MTUS1: variants seen among roughly 807,000 people sequenced by gnomAD.
MTUS1 encodes the protein microtubule-associated tumor suppressor 1.
MTUS1 carries 109 observed loss-of-function variants against 120.8 expected under a neutral mutation model. The ratio of observed to expected loss-of-function variants is 0.90; its 90% CI spans 0.77 to 1.06. The LOEUF (loss-of-function observed/expected upper bound fraction) is 1.06. Ranked by LOEUF, MTUS1 falls within the 50% of genes least tolerant of loss-of-function variation. MTUS1 has a pLI of 0.00. For synonymous variants in MTUS1, 737 were observed against 550.5 expected (o/e 1.34, Z -4.74); for missense variants, 2,210 against 1,486.3 (o/e 1.49, Z -8.01).
At chr8:17,735,822 C>T (rs2046885544) in intron 3 of MTUS1, among the ~76,000 whole-genome samples, 1 of 152,222 alleles carries the variant, frequency 6.6e-6, no homozygotes. Flanking sequence ...ATGAAAATAA[C>T]TAAGAGCTGA....
intron 8 of MTUS1, among the ~76,000 whole-genome samples, chr8:17,664,449 TC>T (rs1325147733): frequency 1.9e-4 from 28 of 149,998 alleles, no homozygotes; most frequent in Admixed American, 1.6e-3. Context: ...GTGGCGACTC[TC>T]CCCCACCCCA....
chr8:17,662,546 G>C (rs1368714022), intron 8 of MTUS1, among the ~76,000 whole-genome samples: 1 of 151,660 alleles, frequency 6.6e-6, no homozygotes, highest in Admixed American at 6.6e-5. Flanking sequence ...AGTAGAGATG[G>C]GGTTTCACTA....
intron 3 of MTUS1, among the ~76,000 whole-genome samples, chr8:17,731,722 A>T (rs209978): frequency 0.024 from 3,647 of 152,284 alleles, 67 homozygotes; most frequent in Non-Finnish European, 0.033. Flanking sequence ...ACAGCAGCAG[A>T]TCAAAAAAAA....
At chr8:17,717,885 T>G (rs1822642582) in intron 4 of MTUS1, among the ~76,000 whole-genome samples, 1 of 152,176 alleles carries the variant, frequency 6.6e-6, no homozygotes, top group African/African-American at 2.4e-5. Context: ...AAGTCAGAAT[T>G]CATACTGCAA....
chr8:17,647,451 T>A lies in MTUS1; in HGVS notation c.3502-372A>T, dbSNP rs181503840. Among the ~76,000 whole-genome samples, 651 of 149,706 alleles carry A rather than the reference T, an allele frequency of 4.3e-3. 5 individuals carry two copies. Among genetic ancestry groups the A allele is most frequent in the African/African-American group, 0.015 (591 of 40,554 alleles). On this transcript the variant is annotated intron_variant, in intron 13 of 14. Transcript: ENST00000693296. ...GCTTATCTATCTCCTTACGGTGAAT[T>A]TTGCTGGAAAAAAAAAAAAAAAGAT...
At chr8:17,753,599 G>T in intron 2 of MTUS1, 118 bp downstream of exon 2, 1 of 676,868 alleles carries the variant, frequency 1.5e-6, no homozygotes, top group South Asian at 2.3e-5. Flanking sequence ...ACAACTAAAT[G>T]TAAATCTGCC....
intron 6 of MTUS1, chr8:17,708,833 C>A (rs1221727501): frequency 1.3e-5 from 2 of 152,106 alleles, no homozygotes; most frequent in Non-Finnish European, 1.5e-5. Flanking sequence ...TAAGAGCCTA[C>A]AAAAGGTTAC....
At chr8:17,683,689 GC>G (rs1388034589) in intron 7 of MTUS1, among the ~76,000 whole-genome samples, 1 of 151,894 alleles carries the variant, frequency 6.6e-6, no homozygotes, top group Non-Finnish European at 1.5e-5. Flanking sequence ...CTTATCAGTT[GC>G]CCCCTGAGAT....
chr8:17,687,731 G>T (rs561462384), intron 6 of MTUS1, among the ~76,000 whole-genome samples: 25 of 152,274 alleles, frequency 1.6e-4, no homozygotes, highest in Middle Eastern at 3.4e-3. Context: ...TCAGGAAAAC[G>T]AAGGCCAGAA....
At chr8:17,703,660 C>A (rs970499900) in intron 6 of MTUS1, among the ~76,000 whole-genome samples, 1 of 149,774 alleles carries the variant, frequency 6.7e-6, no homozygotes, top group African/African-American at 2.5e-5. Context: ...GAGAGAGATA[C>A]GCCCTGGTCT....
intron 13 of MTUS1, among the ~76,000 whole-genome samples, chr8:17,647,998 T>G (rs971781759): frequency 6.6e-6 from 1 of 152,142 alleles, no homozygotes; most frequent in African/African-American, 2.4e-5. Flanking sequence ...GTTAAATCAC[T>G]TTCCAGAAAA....
At chr8:17,652,542 G>A (rs768157768) in intron 12 of MTUS1, among the ~76,000 whole-genome samples, 9 of 152,058 alleles carry the variant, frequency 5.9e-5, no homozygotes, top group Non-Finnish European at 8.8e-5. Flanking sequence ...CCTTTTGGGG[G>A]TGATAAAAAT....
intron 3 of MTUS1, among the ~76,000 whole-genome samples, chr8:17,735,430 A>G (rs908843978): frequency 1.3e-5 from 2 of 152,162 alleles, no homozygotes; most frequent in Non-Finnish European, 2.9e-5. Flanking sequence ...CACTCGTGCA[A>G]GTTTGTGTCT....
chr8:17,776,515 C>T (rs1270974703), intron 1 of MTUS1, among the ~76,000 whole-genome samples: 2 of 151,704 alleles, frequency 1.3e-5, no homozygotes, highest in Admixed American at 6.6e-5. Context: ...CCCGTCTCTA[C>T]CAAAAATACA....
At chr8:17,686,487 G>C (rs541858810) in intron 6 of MTUS1, among the ~76,000 whole-genome samples, 13 of 152,190 alleles carry the variant, frequency 8.5e-5, no homozygotes, top group Middle Eastern at 3.4e-3. Context: ...TATAGACACA[G>C]TTCATTCTCC....
At position 17,647,002 on chromosome 8, in the gene MTUS1, G is replaced by A. The variant is rs1042536245; in HGVS notation, c.3579C>T (p.Asp1193=). ...TTTACCTTGAGATTGCCATGTGCTT[G>A]TCCATCCGAGCTTTCAATTCTTCAT... ...QENEELKARM[D]KHMAISRQLS... The change falls in exon 14 of 15, where the codon GAC becomes GAT. Residue 1193 remains aspartate (D), a synonymous_variant. Transcript: ENST00000693296. 1 of 1,613,758 alleles carries A rather than the reference G, an allele frequency of 6.2e-7. No individual in the cohort carries two copies. The highest frequency in any genetic ancestry group is 1.3e-5 in the African/African-American group (1 of 74,984).
intron 6 of MTUS1, among the ~76,000 whole-genome samples, chr8:17,702,129 A>G (rs747635634): frequency 5.3e-5 from 8 of 152,124 alleles, no homozygotes; most frequent in Non-Finnish European, 8.8e-5. Flanking sequence ...CTTTCCTAGG[A>G]CCAATTCTGA....
At chr8:17,677,162 T>C (rs1021138608) in intron 7 of MTUS1, among the ~76,000 whole-genome samples, 2 of 152,226 alleles carry the variant, frequency 1.3e-5, no homozygotes, top group Admixed American at 6.5e-5. Context: ...ATTGGTTTTC[T>C]AATGTAGAAA....
intron 1 of MTUS1, among the ~76,000 whole-genome samples, chr8:17,775,542 G>A (rs1436044823): frequency 2.0e-5 from 3 of 152,184 alleles, no homozygotes; most frequent in Non-Finnish European, 4.4e-5. Flanking sequence ...GCAGCCATGT[G>A]TACATATGAA....
Sources: allele counts gnomAD v4.1 joint callset (sites outside exome capture counted in the v4.1 genomes callset), GRCh38; gene constraint gnomAD v4.1.1; transcripts MANE v1.5; gene names NCBI Gene and HGNC (gene_info 2026-07-23, HGNC 2026-07-21).